The following AHI1 variants were observed in gnomAD, a reference collection of about 807,000 sequenced individuals.
AHI1 encodes Abelson helper integration site 1.
A neutral mutation model predicts 149.3 loss-of-function variants in AHI1; 123 were observed. That is an observed-to-expected ratio of 0.82 (90% confidence interval 0.71 to 0.96). The LOEUF is 0.96. AHI1 is among the 40% of genes least tolerant of loss of function. The probability of loss-of-function intolerance (pLI) is 0.00; values close to 1 mark genes in which losing one functional copy is unlikely to be tolerated. For synonymous variants in AHI1, 475 were observed against 459.8 expected (o/e 1.03, Z -0.42); for missense variants, 1,439 against 1,422.7 (o/e 1.01, Z -0.18).
intron 13 of AHI1, among the ~76,000 whole-genome samples, chr6:135,446,110 A>G (rs955834136): frequency 2.0e-5 from 3 of 151,796 alleles, no homozygotes; most frequent in African/African-American, 4.8e-5. Context: ...CTAAAAATCT[A>G]TGTTATCTGA....
At chr6:135,453,121 C>T (rs1048179818) in intron 11 of AHI1, among the ~76,000 whole-genome samples, 2 of 152,130 alleles carry the variant, frequency 1.3e-5, no homozygotes, top group Non-Finnish European at 2.9e-5. Context: ...TTTAATGCTA[C>T]ATCCTCAGAA....
intron 27 of AHI1, among the ~76,000 whole-genome samples, chr6:135,290,967 C>A (rs1301791835): frequency 6.7e-6 from 1 of 148,662 alleles, no homozygotes; most frequent in East Asian, 2.0e-4. Flanking sequence ...TCATTCATGA[C>A]AAGAAAAGAA....
chr6:135,353,217 G>C (rs569535603), intron 24 of AHI1, among the ~76,000 whole-genome samples: 15 of 151,974 alleles, frequency 9.9e-5, no homozygotes, highest in African/African-American at 1.4e-4. Flanking sequence ...TTTGAATTTC[G>C]ATAGAACTGC....
intron 15 of AHI1, among the ~76,000 whole-genome samples, chr6:135,435,470 T>C (rs1449611388): frequency 2.0e-5 from 3 of 152,072 alleles, no homozygotes; most frequent in African/African-American, 7.2e-5. Flanking sequence ...AGAAGGTCAT[T>C]TAAGTATAGG....
chr6:135,424,165 A>C (rs1363691415), intron 20 of AHI1, among the ~76,000 whole-genome samples: 1 of 152,066 alleles, frequency 6.6e-6, no homozygotes, highest in Non-Finnish European at 1.5e-5. Flanking sequence ...AAGGAAATTT[A>C]GTGTAGCAAA....
chr6:135,448,495 T>C lies in AHI1; in HGVS notation c.1441-20A>G, dbSNP rs900104028. The C allele has an allele frequency of 1.5e-5, 21 of 1,433,032 alleles. No homozygotes were observed. Among genetic ancestry groups the C allele is most frequent in the Middle Eastern group, 1.9e-4 (1 of 5,330 alleles). 88.8% of individuals were successfully genotyped at this position (1,433,032 alleles called of 1,614,324 possible). ...CAGAAGCTTAAAATAAGAATTCATA[T>C]AAAATGTTACCTTCATTGAAAATAA... On this transcript the variant is annotated intron_variant, in intron 11 of 28. Transcript: ENST00000265602.
chr6:135,382,954 T>TATATAC (rs770394314), intron 23 of AHI1, among the ~76,000 whole-genome samples: 8 of 100,026 alleles, frequency 8.0e-5, no homozygotes, highest in South Asian at 3.2e-4. Context: ...TATATATATA[T>TATATAC]ACATATAAAA....
chr6:135,437,522 G>C (rs1785589847), intron 15 of AHI1, among the ~76,000 whole-genome samples: 1 of 152,146 alleles, frequency 6.6e-6, no homozygotes, highest in Admixed American at 6.5e-5. Context: ...ACCAATAATG[G>C]TAACATCTTG....
intron 23 of AHI1, among the ~76,000 whole-genome samples, chr6:135,371,708 C>A (rs186644082): frequency 6.6e-6 from 1 of 152,106 alleles, no homozygotes; most frequent in African/African-American, 2.4e-5. Flanking sequence ...TAGTTTCTTT[C>A]GAAAGATCTA....
chr6:135,410,665 C>G (rs1781458891), intron 21 of AHI1, among the ~76,000 whole-genome samples: 1 of 152,174 alleles, frequency 6.6e-6, no homozygotes, highest in Admixed American at 6.5e-5. Context: ...TTGAAGCTTA[C>G]CTTTTGATTT....
chr6:135,423,949 A>G (rs1783584274), intron 20 of AHI1, among the ~76,000 whole-genome samples: 1 of 152,078 alleles, frequency 6.6e-6, no homozygotes, highest in Non-Finnish European at 1.5e-5. Context: ...TGAAAACACT[A>G]CATGCATATT....
chr6:135,451,906 G>A (rs1788169545), intron 11 of AHI1, among the ~76,000 whole-genome samples: 1 of 151,726 alleles, frequency 6.6e-6, no homozygotes, highest in Admixed American at 6.6e-5. Context: ...ATGGAAAAAG[G>A]CATTAACAGA....
intron 23 of AHI1, among the ~76,000 whole-genome samples, chr6:135,388,730 G>A (rs1324063134): frequency 5.3e-5 from 8 of 152,106 alleles, no homozygotes; most frequent in African/African-American, 1.2e-4. Context: ...GCAGTTCTTC[G>A]ACCAGATGCA....
chr6:135,371,953 T>C (rs1775124943), intron 23 of AHI1, among the ~76,000 whole-genome samples: 1 of 152,198 alleles, frequency 6.6e-6, no homozygotes, highest in Non-Finnish European at 1.5e-5. Flanking sequence ...ATAAATCCCC[T>C]TGGAAATGGG....
intron 21 of AHI1, among the ~76,000 whole-genome samples, chr6:135,406,636 T>C (rs1455165299): frequency 6.6e-6 from 1 of 151,932 alleles, no homozygotes; most frequent in Non-Finnish European, 1.5e-5. Context: ...TCCTGTGGGG[T>C]AGAGAAAATT....
intron 23 of AHI1, among the ~76,000 whole-genome samples, chr6:135,386,310 GT>G (rs1325394640): frequency 1.1e-3 from 159 of 144,064 alleles, no homozygotes; most frequent in African/African-American, 3.5e-3. Flanking sequence ...AAAGTGTTTT[GT>G]TTTTTTTTTT....
At chr6:135,333,642 C>T (rs1788933885) in intron 24 of AHI1, among the ~76,000 whole-genome samples, 1 of 152,160 alleles carries the variant, frequency 6.6e-6, no homozygotes, top group South Asian at 2.1e-4. Context: ...AACTTAAAAA[C>T]TTCAAACAAG....
chr6:135,448,202 C>T, intron 12 of AHI1, 88 bp downstream of exon 12: 2 of 939,042 alleles, frequency 2.1e-6, no homozygotes, highest in Middle Eastern at 5.4e-4. Context: ...TATTAGAGGC[C>T]TTATCTTTTT....
chr6:135,395,157 A>G (rs1779049350), intron 22 of AHI1, among the ~76,000 whole-genome samples: 1 of 152,060 alleles, frequency 6.6e-6, no homozygotes, highest in Non-Finnish European at 1.5e-5. Flanking sequence ...GACATTATTA[A>G]TAACTTAGAG....
Sources: gnomAD v4.1 joint callset for allele counts (sites outside exome capture counted in the v4.1 genomes callset) on GRCh38, gnomAD v4.1.1 for gene constraint, MANE v1.5 for transcripts, NCBI Gene and HGNC (gene_info 2026-07-23, HGNC 2026-07-21) for gene names.